The following CBLB variants were observed in gnomAD, a reference collection of about 807,000 sequenced individuals.
The protein encoded by CBLB is E3 ubiquitin-protein ligase CBL-B.
Under a neutral mutation model 104.9 loss-of-function variants are expected in CBLB, and 31 were observed. The observed-to-expected ratio is 0.30, with a 90% CI of 0.22 to 0.40. The LOEUF (loss-of-function observed/expected upper bound fraction) is 0.40, where lower values mean the gene tolerates loss of function less well. Ranked by LOEUF, CBLB falls within the 10% of genes least tolerant of loss-of-function variation. The pLI is 1.00. For missense variants in CBLB, 1,062 were observed against 1,214.6 expected, an observed-to-expected ratio of 0.87 and a Z score of 1.87; for synonymous variants, 440 against 422.6, an observed-to-expected ratio of 1.04 and a Z score of -0.51.
intron 18 of CBLB, among the ~76,000 whole-genome samples, chr3:105,664,351 T>C (rs1367354293): frequency 6.6e-6 from 1 of 152,200 alleles, no homozygotes; most frequent in Non-Finnish European, 1.5e-5. Flanking sequence ...CATACAATAA[T>C]TTAAAATGAC....
At chr3:105,795,983 A>G (rs979568312) in intron 3 of CBLB, among the ~76,000 whole-genome samples, 2 of 152,080 alleles carry the variant, frequency 1.3e-5, no homozygotes, top group Non-Finnish European at 2.9e-5. Context: ...CGGCCTCCCA[A>G]AGTGCTGGGA....
At chr3:105,754,601 A>G (rs2076914115) in intron 4 of CBLB, among the ~76,000 whole-genome samples, 1 of 151,712 alleles carries the variant, frequency 6.6e-6, no homozygotes, top group South Asian at 2.1e-4. Flanking sequence ...TCACTAATCC[A>G]AAAATCTTTC....
chr3:105,829,160 A>T (rs1241724517), intron 3 of CBLB, among the ~76,000 whole-genome samples: 1 of 152,204 alleles, frequency 6.6e-6, no homozygotes, highest in Non-Finnish European at 1.5e-5. Flanking sequence ...AATGAAAAAA[A>T]ATTAAAAATG....
At chr3:105,703,385 A>G (rs1201527676) in intron 11 of CBLB, among the ~76,000 whole-genome samples, 1 of 152,210 alleles carries the variant, frequency 6.6e-6, no homozygotes. Flanking sequence ...TTAAAATCTT[A>G]TACTTATCAA....
rs1214721650 is a variant in CBLB, at chr3:105,737,214, C to G, written c.1028G>C (p.Gly343Ala). The G allele has an allele frequency of 6.3e-7, 1 of 1,593,552 alleles. No homozygotes were observed. Among genetic ancestry groups the G allele is most frequent in the Non-Finnish European group, 8.6e-7 (1 of 1,163,502 alleles). ...GTCATGAGGTGTAGGTTCACATAATCCAGTTAAATCAGGATTATAACTCCT... is the reference window on the plus strand; with the variant it reads ...GTCATGAGGTGTAGGTTCACATAATGCAGTTAAATCAGGATTATAACTCCT... ...DGRSYNPDLT[G>A]LCEPTPHDHI... The change falls in exon 8 of 19, where the codon GGA becomes GCA. Residue 343 changes from glycine (G) to alanine (A), a missense_variant. By Grantham distance (60) the Gly-to-Ala change is moderately conservative. Transcript: ENST00000394030.
At chr3:105,765,411 G>C (rs1455122012) in intron 4 of CBLB, among the ~76,000 whole-genome samples, 1 of 152,122 alleles carries the variant, frequency 6.6e-6, no homozygotes, top group Non-Finnish European at 1.5e-5. Flanking sequence ...AAAGATGTTT[G>C]GCCATCTGTA....
intron 13 of CBLB, among the ~76,000 whole-genome samples, chr3:105,687,616 A>C (rs924363140): frequency 6.6e-6 from 1 of 152,068 alleles, no homozygotes; most frequent in Non-Finnish European, 1.5e-5. Context: ...TGAAAAAAAT[A>C]CTTAGGTGTT....
chr3:105,691,458 G>A (rs1437038990), intron 13 of CBLB, among the ~76,000 whole-genome samples: 1 of 152,194 alleles, frequency 6.6e-6, no homozygotes, highest in Non-Finnish European at 1.5e-5. Context: ...TTCATTTACA[G>A]GAGAAGCAGG....
In CBLB at chr3:105,868,941, C is replaced by T. The variant is rs1706671789; in HGVS notation, c.-220G>A. The T allele has an allele frequency of 9.7e-7, 1 of 1,027,234 alleles. No individual in the cohort carries two copies. Among genetic ancestry groups the T allele is most frequent in the Non-Finnish European group, 1.2e-6 (1 of 856,964 alleles). 63.6% of individuals were successfully genotyped at this position (1,027,234 alleles called of 1,614,324 possible). A position where few individuals can be genotyped will look rare whatever the true frequency, so the allele number is the denominator to read the frequency against. ...AAGACAAATCCACACCCGCTCTCCCCTCCCGCCCGACTCGGGGAGGCCGCG... is the reference window on the plus strand; with the variant it reads ...AAGACAAATCCACACCCGCTCTCCCTTCCCGCCCGACTCGGGGAGGCCGCG... On this transcript the variant is annotated 5_prime_UTR_variant, in exon 1 of 19. Transcript: ENST00000394030.
At chr3:105,677,344 A>G (rs1257053512) in intron 17 of CBLB, among the ~76,000 whole-genome samples, 1 of 144,764 alleles carries the variant, frequency 6.9e-6, no homozygotes, top group Non-Finnish European at 1.5e-5. Flanking sequence ...AAACTATCAA[A>G]CCAAGTAAAA....
At chr3:105,788,359 A>C (rs1333927032) in intron 3 of CBLB, among the ~76,000 whole-genome samples, 1 of 152,182 alleles carries the variant, frequency 6.6e-6, no homozygotes, top group East Asian at 1.9e-4. Flanking sequence ...TAAAGTAAAA[A>C]AAAAAGCAGG....
At chr3:105,803,706 G>T (rs975307372) in intron 3 of CBLB, among the ~76,000 whole-genome samples, 1 of 152,100 alleles carries the variant, frequency 6.6e-6, no homozygotes, top group Non-Finnish European at 1.5e-5. Context: ...AAATAATTTG[G>T]AAGTTGATTA....
chr3:105,699,736 G>C (rs2068835384), intron 12 of CBLB, among the ~76,000 whole-genome samples: 1 of 152,124 alleles, frequency 6.6e-6, no homozygotes, highest in Non-Finnish European at 1.5e-5. Context: ...AGTAATAAAA[G>C]AGGAGACATG....
At chr3:105,722,597 C>T (rs1195211216) in intron 9 of CBLB, among the ~76,000 whole-genome samples, 5 of 143,640 alleles carry the variant, frequency 3.5e-5, no homozygotes, top group Admixed American at 1.4e-4. Context: ...TCCACCCAAT[C>T]GAAATCATGA....
chr3:105,762,756 T>C (rs2077779688), intron 4 of CBLB, among the ~76,000 whole-genome samples: 1 of 152,130 alleles, frequency 6.6e-6, no homozygotes, highest in Non-Finnish European at 1.5e-5. Flanking sequence ...GGGAGGGAAA[T>C]GTGGGGCTGA....
chr3:105,831,038 G>A (rs989123835), intron 3 of CBLB, among the ~76,000 whole-genome samples: 1 of 152,156 alleles, frequency 6.6e-6, no homozygotes, highest in African/African-American at 2.4e-5. Context: ...AAATTGCATG[G>A]TAACCAGAGT....
In CBLB at chr3:105,691,300, A is replaced by C. The variant is rs138614774; in HGVS notation, c.2054+2194T>G. On this transcript the variant is annotated intron_variant, in intron 13 of 18. Coordinates refer to ENST00000394030, the MANE Select transcript of CBLB (RefSeq NM_170662.5). ...ATTTGCTGGCAAGCATGCACTGTTA[A>C]AATATTTCTCTAGTTAAGTGAAACA... Among the ~76,000 whole-genome samples, 687 of 152,358 alleles carry C rather than the reference A, an allele frequency of 4.5e-3. 4 individuals are homozygous for C. The highest frequency in any genetic ancestry group is 7.1e-3 in the Non-Finnish European group (485 of 68,040).
intron 3 of CBLB, among the ~76,000 whole-genome samples, chr3:105,797,776 T>C (rs2082402956): frequency 6.6e-6 from 1 of 152,248 alleles, no homozygotes. Context: ...AAATTTGTAA[T>C]GTGATTCAGA....
chr3:105,734,290 T>C lies in CBLB; in HGVS notation c.1072-150A>G, dbSNP rs529037333. Reference sequence around the variant, plus strand: ...GTTACCATTTGAGACATGTTTTGAATTGATAATCACAATTTGGTCTACAAA... The same window carrying C: ...GTTACCATTTGAGACATGTTTTGAACTGATAATCACAATTTGGTCTACAAA... On this transcript the variant is annotated intron_variant, in intron 8 of 18. Coordinates refer to ENST00000394030, the MANE Select transcript of CBLB (RefSeq NM_170662.5). 2.4e-5 allele frequency: 19 copies of C among 786,960 alleles called. No individual in the cohort carries two copies. The African/African-American group carries it at 2.9e-4, about 12-fold the overall frequency. The allele number at this position is 786,960 out of a possible 1,614,324, so 48.7% of individuals were successfully genotyped here.
Sources: allele counts gnomAD v4.1 joint callset (sites outside exome capture counted in the v4.1 genomes callset), GRCh38; gene constraint gnomAD v4.1.1; transcripts MANE v1.5; gene names NCBI Gene and HGNC (gene_info 2026-07-23, HGNC 2026-07-21).